ATN1: variants seen among roughly 807,000 people sequenced by gnomAD.
ATN1 encodes the protein atrophin 1, also known as atrophin-1.
Under a neutral mutation model 85.8 loss-of-function variants are expected in ATN1, and 19 were observed. The ratio of observed to expected loss-of-function variants is 0.22; its 90% CI spans 0.15 to 0.32. ATN1 has a LOEUF of 0.32. Among genes scored for constraint, ATN1 ranks in the 10% least tolerant of loss-of-function variants. ATN1 has a pLI of 1.00. For missense variants in ATN1, 1,453 were observed against 1,564.5 expected, an observed-to-expected ratio of 0.93 and a Z score of 1.20; for synonymous variants, 674 against 657.0, an observed-to-expected ratio of 1.03 and a Z score of -0.39.
chr12:6,932,680 TGA>T (rs1348284659), intron 1 of ATN1, among the ~76,000 whole-genome samples: 1 of 152,350 alleles, frequency 6.6e-6, no homozygotes, highest in East Asian at 1.9e-4. Flanking sequence ...ACGGATATTT[TGA>T]GTCTTTAATC....
chr12:6,934,335 C>A lies in ATN1; in HGVS notation c.165+22C>A, dbSNP rs781946579. ...CAAGGTATTCTGTCCTCAGGTCCTC[C>A]CACAGGATGCCCAAGGCACTGGGGC... On this transcript the variant is annotated intron_variant, in intron 3 of 9. Coordinates refer to ENST00000396684, the MANE Select transcript of ATN1 (RefSeq NM_001940.4). The surrounding 1 kb of genome is among the most constrained non-coding windows in gnomAD (Gnocchi z 4.5). The A allele has an allele frequency of 1.1e-4, 174 of 1,570,190 alleles. No individual in the cohort carries two copies. Among genetic ancestry groups the A allele is most frequent in the Non-Finnish European group, 1.5e-4 (170 of 1,162,204 alleles).
chr12:6,926,975 C>G (rs1945405092), upstream of ATN1, among the ~76,000 whole-genome samples: 1 of 151,960 alleles, frequency 6.6e-6, no homozygotes, highest in Non-Finnish European at 1.5e-5. Flanking sequence ...CTTTCCCATC[C>G]AGAGCCCTCC....
In ATN1 at chr12:6,935,429, TCAC is replaced by T. The variant is rs1945518318; in HGVS notation, c.280-114_280-112del. Reference sequence around the variant, plus strand: ...AAGAGGTGGGCTTGAGCAAGAGTACTCACCACATCACAGTACAACAGTGTGCTG... The same window carrying T: ...AAGAGGTGGGCTTGAGCAAGAGTACTCACATCACAGTACAACAGTGTGCTG... On this transcript the variant is annotated intron_variant, in intron 4 of 9. Coordinates refer to ENST00000396684, the MANE Select transcript of ATN1 (RefSeq NM_001940.4). This position sits in a 1 kb window ranked among gnomAD's most constrained non-coding sequence, Gnocchi z 5.3. 1 of 1,165,040 alleles carries T rather than the reference TCAC, an allele frequency of 8.6e-7. No homozygotes were observed. The highest frequency in any genetic ancestry group is 2.7e-5 in the Admixed American group (1 of 37,686). 72.2% of individuals were successfully genotyped at this position (1,165,040 alleles called of 1,614,324 possible).
chr12:6,936,859 C>G lies in ATN1; in HGVS notation c.1592C>G (p.Ala531Gly). The G allele has an allele frequency of 6.2e-7, 1 of 1,614,032 alleles. No individual in the cohort carries two copies. The highest frequency in any genetic ancestry group is 8.5e-7 in the Non-Finnish European group (1 of 1,179,980). Reference sequence around the variant, plus strand: ...AGCTCCCACCACGCACACCCTTACGCCATGTCTCCCTCCCTGGGGTCTCTG... The same window carrying G: ...AGCTCCCACCACGCACACCCTTACGGCATGTCTCCCTCCCTGGGGTCTCTG... ...GGSSHHAHPYAMSPSLGSLRP... is the reference protein window; with the variant it reads ...GGSSHHAHPYGMSPSLGSLRP... The change falls in exon 5 of 10, where the codon GCC becomes GGC. Residue 531 changes from alanine to glycine, a missense_variant. Transcript: ENST00000396684.
intron 6 of ATN1, 113 bp from the exon 7 acceptor site, chr12:6,938,368 T>G (rs1318524086): frequency 7.1e-7 from 1 of 1,412,598 alleles, no homozygotes; most frequent in African/African-American, 1.4e-5. Context: ...GGGCAGAGTT[T>G]CAATGAGTTG....
chr12:6,939,015 G>C lies in ATN1; in HGVS notation c.3052G>C (p.Ala1018Pro). 6.2e-7 allele frequency: 1 copy of C among 1,611,346 alleles called. No individual in the cohort carries two copies. The highest frequency in any genetic ancestry group is 2.2e-5 in the East Asian group (1 of 44,884). The change falls in exon 7 of 10, where the codon GCT becomes CCT. Residue 1018 changes from alanine to proline, a missense_variant. Physicochemically the swap from Ala to Pro is conservative, Grantham distance 27. Around this residue, in one of 6 missense-constraint regions of ATN1, gnomAD observed 208 missense variants for 263.4 expected, o/e 0.79. Transcript: ENST00000396684. ...GPALRPDMSY[A>P]ERLAAERQHA... ...AGCCCTGCGGCCTGACATGTCCTAT[G>C]CTGAGCGGCTGGCAGCTGAGAGGCA...
rs1555143807 is a variant in ATN1 at position 6,936,787 on chromosome 12, C to G, written c.1520C>G (p.Ser507Cys). ...QQQQQQHHGN[S>C]GPPPPGAFPH... ...CAGCAGCAGCAGCATCACGGAAACTCTGGGCCCCCTCCTCCTGGAGCATTT... is the reference window on the plus strand; with the variant it reads ...CAGCAGCAGCAGCATCACGGAAACTGTGGGCCCCCTCCTCCTGGAGCATTT... The change falls in exon 5 of 10, where the codon TCT becomes TGT. Residue 507 changes from serine (S) to cysteine (C), a missense_variant. Physicochemically the swap from Ser to Cys is moderately radical, Grantham distance 112 (BLOSUM62 -1). Transcript: ENST00000396684. The G allele has an allele frequency of 6.3e-7, 1 of 1,599,336 alleles. No individual in the cohort carries two copies. The highest frequency in any genetic ancestry group is 8.5e-7 in the Non-Finnish European group (1 of 1,172,700).
At chr12:6,938,165 G>T in intron 6 of ATN1, 98 bp downstream of exon 6, 1 of 1,443,352 alleles carries the variant, frequency 6.9e-7, no homozygotes, top group Non-Finnish European at 9.1e-7. Context: ...GCTGTGGCTG[G>T]GTGGGCGGGC....
chr12:6,940,811 C>T (rs1945623554), intron 7 of ATN1, 69 bp from the exon 8 acceptor site: 1 of 1,593,248 alleles, frequency 6.3e-7, no homozygotes, highest in South Asian at 1.1e-5. Flanking sequence ...GCTTGGATCC[C>T]TTCACCCAAA....
At position 6,928,055 on chromosome 12, in the gene ATN1, G is replaced by T. The variant is rs1430072115; in HGVS notation, c.-492G>T. ...TCGGAACCGCGCCGAGGGCCGGGCGGGCCGCGGGGCCGGGCGGCGCGGCGG... is the reference window on the plus strand; with the variant it reads ...TCGGAACCGCGCCGAGGGCCGGGCGTGCCGCGGGGCCGGGCGGCGCGGCGG... On this transcript the variant is annotated 5_prime_UTR_variant, in exon 1 of 10. Transcript: ENST00000396684. 1.4e-5 allele frequency among the ~76,000 whole-genome samples: 2 copies of T among 145,032 alleles called. No homozygotes were observed. The highest frequency in any genetic ancestry group is 4.0e-4 in the East Asian group (2 of 4,958).
At chr12:6,928,865 C>A (rs1591658233) in intron 1 of ATN1, among the ~76,000 whole-genome samples, 1 of 151,898 alleles carries the variant, frequency 6.6e-6, no homozygotes, top group East Asian at 1.9e-4. Flanking sequence ...GGGTTGGGGG[C>A]TTTAGGAATA....
At chr12:6,930,533 C>G (rs1247490759) in intron 1 of ATN1, among the ~76,000 whole-genome samples, 3 of 152,218 alleles carry the variant, frequency 2.0e-5, no homozygotes, top group African/African-American at 7.2e-5. Context: ...CAGTGGCTCA[C>G]GCCTGTAATC....
chr12:6,935,830 C>G lies in ATN1; in HGVS notation c.563C>G (p.Ser188Cys), dbSNP rs142977260. The G allele has an allele frequency of 6.2e-7, 1 of 1,613,820 alleles. No homozygotes were observed. Reference sequence around the variant, plus strand: ...GAGGCTAGCTTTGAACCCCATCCTTCTGTGACACCCACTGGATATCATGCT... The same window carrying G: ...GAGGCTAGCTTTGAACCCCATCCTTGTGTGACACCCACTGGATATCATGCT... ...QPEASFEPHPSVTPTGYHAPM... is the reference protein window; with the variant it reads ...QPEASFEPHPCVTPTGYHAPM... Residue 188 changes from serine (S) to cysteine (C), a missense_variant, in exon 5 of 10, where the codon TCT becomes TGT. Ser to Cys is a moderately radical substitution (Grantham distance 112, BLOSUM62 -1). Around this residue, in one of 6 missense-constraint regions of ATN1, gnomAD observed 990 missense variants for 914.8 expected, o/e 1.08. Coordinates refer to ENST00000396684, the MANE Select transcript of ATN1 (RefSeq NM_001940.4). The surrounding 1 kb of genome is among the most constrained non-coding windows in gnomAD (Gnocchi z 5.3).
Position 6,938,952 on chromosome 12 carries a change from C to T in ATN1, c.2989C>T (p.Pro997Ser), listed in dbSNP as rs1555144307. The change falls in exon 7 of 10, where the codon CCC becomes TCC. Residue 997 changes from proline to serine, a missense_variant. This residue lies in a region of ATN1 where 208 missense variants were observed against 263.4 expected (regional missense o/e 0.79). Transcript: ENST00000396684. ...TTTCCCCTTTCATCCGAGCCTGGGG[C>T]CCCTGGAGCGAGAACGTCTAGCGCT... The part of the protein sequence containing the change: ...HPFPFHPSLG[P>S]LERERLALAA... The T allele has an allele frequency of 6.2e-7, 1 of 1,613,700 alleles. No homozygotes were observed. Among genetic ancestry groups the T allele is most frequent in the African/African-American group, 1.3e-5 (1 of 74,922 alleles).
At chr12:6,931,409 GAAAAA>G (rs781985905) in intron 1 of ATN1, among the ~76,000 whole-genome samples, 1 of 53,556 alleles carries the variant, frequency 1.9e-5, no homozygotes, top group Non-Finnish European at 3.6e-5. Context: ...AGCTGTAGTT[GAAAAA>G]AAAAAAAAAA....
At chr12:6,939,205 C>T (rs782792262) in intron 7 of ATN1, 28 bp downstream of exon 7, 2 of 1,564,110 alleles carry the variant, frequency 1.3e-6, no homozygotes, top group Middle Eastern at 1.7e-4. Flanking sequence ...TTGCCCTGGC[C>T]CTTTGGGGCC....
At position 6,937,299 on chromosome 12, in the gene ATN1, C is replaced by T. The variant is rs951519201; in HGVS notation, c.2032C>T (p.Pro678Ser). ...GTPPGYRGTS[P>S]PAGPGTFKPG... ...CCCACCGGGCTATCGAGGAACCTCGCCACCTGCAGGCCCAGGGACCTTCAA... is the reference window on the plus strand; with the variant it reads ...CCCACCGGGCTATCGAGGAACCTCGTCACCTGCAGGCCCAGGGACCTTCAA... The change falls in exon 5 of 10, where the codon CCA (proline) becomes TCA (serine). Residue 678 changes from proline to serine, a missense_variant. Transcript: ENST00000396684. The surrounding 1 kb of genome is among the most constrained non-coding windows in gnomAD (Gnocchi z 6.0). 3.8e-6 allele frequency: 6 copies of T among 1,593,808 alleles called. No individual in the cohort carries two copies. In the Admixed American group the frequency reaches 7.0e-5, roughly 19 times the overall value.
chr12:6,937,998 G>C lies in ATN1; in HGVS notation c.2448G>C (p.Glu816Asp), dbSNP rs1362985338. The C allele has an allele frequency of 6.5e-7, 1 of 1,542,992 alleles. No individual in the cohort carries two copies. Among genetic ancestry groups the C allele is most frequent in the African/African-American group, 1.4e-5 (1 of 73,036 alleles). Residue 816 changes from glutamate to aspartate, a missense_variant, in exon 6 of 10, where the codon GAG (glutamate) becomes GAC (aspartate). By Grantham distance (45) the Glu-to-Asp change is conservative. Transcript: ENST00000396684. This position sits in a 1 kb window ranked among gnomAD's most constrained non-coding sequence, Gnocchi z 6.0. ...AGCAGCGCGCGCGCGAAGAAAAGGA[G>C]CGCGAGCGCGAGCGGGAACGCGAGA... The part of the protein sequence containing the change: ...EAEQRAREEK[E>D]REREREREKE...
intron 1 of ATN1, among the ~76,000 whole-genome samples, chr12:6,930,418 T>A (rs782588402): frequency 5.3e-5 from 8 of 152,308 alleles, no homozygotes; most frequent in African/African-American, 1.9e-4. Context: ...TCTCTTAATT[T>A]CTTTTCCTGT....
Sources: allele counts gnomAD v4.1 joint callset (sites outside exome capture counted in the v4.1 genomes callset), GRCh38; gene constraint gnomAD v4.1.1; regional missense constraint gnomAD v4.1.1; non-coding constraint Gnocchi (gnomAD v3.1); transcripts MANE v1.5; gene names NCBI Gene and HGNC (gene_info 2026-07-23, HGNC 2026-07-21).